Variants in COL4A6 observed in about 807,000 individuals in gnomAD.
COL4A6 encodes the protein collagen type IV alpha 6 chain.
COL4A6 carries 59 observed loss-of-function variants against 126.7 expected under a neutral mutation model. The observed-to-expected ratio is 0.47, with a 90% CI of 0.38 to 0.58. The LOEUF is 0.58. Ranked by LOEUF, COL4A6 falls within the 20% of genes least tolerant of loss-of-function variation. COL4A6 has a pLI of 0.00. For synonymous variants in COL4A6, 547 were observed against 496.6 expected, an observed-to-expected ratio of 1.10 and a Z score of -1.35; for missense variants, 1,285 against 1,337.3, an observed-to-expected ratio of 0.96 and a Z score of 0.61.
At chrX:108,283,596 G>T (rs1164600804) in intron 3 of COL4A6, among the ~76,000 whole-genome samples, 1 of 108,785 alleles carries the variant, frequency 9.2e-6, no homozygotes, top group Non-Finnish European at 1.9e-5. Context: ...TTTGGGGGGG[G>T]GTTGGCGGCG....
chrX:108,341,287 C>A (rs2039558262), intron 2 of COL4A6, among the ~76,000 whole-genome samples: 1 of 111,331 alleles, frequency 9.0e-6, no homozygotes, highest in Non-Finnish European at 1.9e-5. Context: ...CTAATGTCAC[C>A]TCTTCTGGAA....
chrX:108,369,871 A>T (rs1339835409), intron 2 of COL4A6, among the ~76,000 whole-genome samples: 3 of 112,500 alleles, frequency 2.7e-5, no homozygotes, highest in African/African-American at 9.7e-5. Context: ...GCAACCACAG[A>T]TATTAGTTAA....
chrX:108,281,843 A>G (rs1359115128), intron 3 of COL4A6, among the ~76,000 whole-genome samples: 3 of 110,976 alleles, frequency 2.7e-5, no homozygotes, highest in Admixed American at 1.9e-4. Context: ...ATAACGCCGC[A>G]TGTCTACAAC....
chrX:108,401,279 C>G (rs780365684), intron 2 of COL4A6, among the ~76,000 whole-genome samples: 79 of 110,540 alleles, frequency 7.1e-4, no homozygotes, highest in Non-Finnish European at 1.2e-3. Context: ...AAGTATAAAG[C>G]CTCAGCTATA....
intron 2 of COL4A6, among the ~76,000 whole-genome samples, chrX:108,332,024 A>G (rs182425212): frequency 1.8e-5 from 2 of 111,245 alleles, no homozygotes; most frequent in East Asian, 5.7e-4. Context: ...TTTTTGGAGT[A>G]TCCAATGTCT....
intron 5 of COL4A6, among the ~76,000 whole-genome samples, chrX:108,215,519 C>T (rs1199642375): frequency 9.0e-6 from 1 of 111,553 alleles, no homozygotes; most frequent in Non-Finnish European, 1.9e-5. Context: ...GATCTATGTC[C>T]TAGGAGCCTG....
intron 2 of COL4A6, among the ~76,000 whole-genome samples, chrX:108,343,159 ATATATAGTGTGTGTGTGTGT>A (rs1164099408): frequency 4.4e-5 from 3 of 68,938 alleles, no homozygotes; most frequent in Admixed American, 4.0e-4. Context: ...ATATATATAT[ATATATAGTGTGTGTGTGTGT>A]GTGTGTGTGT....
At chrX:108,312,122 C>CT (rs1180332538) in intron 2 of COL4A6, among the ~76,000 whole-genome samples, 1 of 112,159 alleles carries the variant, frequency 8.9e-6, no homozygotes, top group Non-Finnish European at 1.9e-5. Context: ...TACCATCCAA[C>CT]TTTTTTGTTT....
intron 2 of COL4A6, among the ~76,000 whole-genome samples, chrX:108,341,178 T>A (rs887146908): frequency 9.0e-6 from 1 of 111,487 alleles, no homozygotes; most frequent in Non-Finnish European, 1.9e-5. Flanking sequence ...CAACAATGCC[T>A]TACAAGTACA....
intron 3 of COL4A6, among the ~76,000 whole-genome samples, chrX:108,291,991 T>C (rs2038173438): frequency 8.9e-6 from 1 of 112,065 alleles, no homozygotes; most frequent in Non-Finnish European, 1.9e-5. Flanking sequence ...AATCACTGTA[T>C]AGAATATATC....
In COL4A6 at chrX:108,397,123, T is replaced by C. The variant is rs187593123; in HGVS notation, c.63+40819A>G. On this transcript the variant is annotated intron_variant, in intron 2 of 44. Transcript: ENST00000334504. ...CTTCAACCAAGAAGATTTTCTCTCC[T>C]TCACTAAGCCAGGCCCTAAGTATTC... 6.1e-3 allele frequency among the ~76,000 whole-genome samples: 678 copies of C among 111,831 alleles called. 2 individuals are homozygous for C. Among genetic ancestry groups the C allele is most frequent in the East Asian group, 0.035 (125 of 3,540 alleles).
At position 108,204,412 on chromosome X, in the gene COL4A6, C is replaced by T; in HGVS notation, c.688G>A (p.Gly230Arg). ...LGFQGEKGVK[G>R]DVGLPGPAGP... is the part of the protein sequence containing the mutation. ...GCTGGGCCAGGGAGGCCAACATCCC[C>T]CTGTAAGATCAAATGGAACATTAAG... Residue 230 changes from glycine to arginine, a missense_variant and splice_region_variant, in exon 12 of 45, where the codon GGG (glycine) becomes AGG (arginine). Physicochemically the swap from Gly to Arg is moderately radical, Grantham distance 125. Transcript: ENST00000334504. 8.3e-7 allele frequency: 1 copy of T among 1,197,744 alleles called. No individual in the cohort carries two copies. The highest frequency in any genetic ancestry group is 1.1e-6 in the Non-Finnish European group (1 of 885,294).
intron 3 of COL4A6, among the ~76,000 whole-genome samples, chrX:108,285,904 T>C: frequency 9.0e-6 from 1 of 111,709 alleles, no homozygotes; most frequent in Non-Finnish European, 1.9e-5. Context: ...GGTGGTCCCA[T>C]AGAAAAGGGT....
At chrX:108,343,165 A>ATAGTGT (rs1377817612) in intron 2 of COL4A6, among the ~76,000 whole-genome samples, 61 of 31,376 alleles carry the variant, frequency 1.9e-3, no homozygotes, top group African/African-American at 5.3e-3. Flanking sequence ...ATATATATAT[A>ATAGTGT]GTGTGTGTGT....
At chrX:108,285,106 G>T (rs1266785) in intron 3 of COL4A6, among the ~76,000 whole-genome samples, 1 of 110,577 alleles carries the variant, frequency 9.0e-6, no homozygotes. Context: ...GTATACTCTG[G>T]GTCTACTGGG....
At chrX:108,244,247 G>A (rs2036656295) in intron 3 of COL4A6, among the ~76,000 whole-genome samples, 1 of 110,822 alleles carries the variant, frequency 9.0e-6, no homozygotes, top group Admixed American at 9.6e-5. Context: ...CTCAGAGCTG[G>A]AGTTCTTGAA....
rs773162855 is a variant in COL4A6, at chrX:108,306,876, T to A, written c.144+3872A>T. ...TTAGATGGCATGGATAATTAGGGGGTCACCATGTTTTAGATAAACACCAGA... is the reference window on the plus strand; with the variant it reads ...TTAGATGGCATGGATAATTAGGGGGACACCATGTTTTAGATAAACACCAGA... On this transcript the variant is annotated intron_variant, in intron 3 of 44. Coordinates refer to ENST00000334504, the MANE Select transcript of COL4A6 (RefSeq NM_033641.4). Among the ~76,000 whole-genome samples the A allele has an allele frequency of 4.5e-5, 5 of 110,782 alleles. No homozygotes were observed. In the East Asian group the frequency reaches 1.1e-3, roughly 25 times the overall value.
intron 3 of COL4A6, among the ~76,000 whole-genome samples, chrX:108,290,062 A>G (rs1216657877): frequency 8.9e-6 from 1 of 112,298 alleles, no homozygotes; most frequent in Non-Finnish European, 1.9e-5. Flanking sequence ...TGTAAGCGAT[A>G]TTCTGCAGAC....
intron 3 of COL4A6, among the ~76,000 whole-genome samples, chrX:108,269,643 A>G (rs948663355): frequency 8.9e-6 from 1 of 112,144 alleles, no homozygotes; most frequent in African/African-American, 3.2e-5. Context: ...GCTCAGTGTC[A>G]GTAATAAGCA....
Sources: gnomAD v4.1 joint callset for allele counts (sites outside exome capture counted in the v4.1 genomes callset) on GRCh38, gnomAD v4.1.1 for gene constraint, MANE v1.5 for transcripts, NCBI Gene and HGNC (gene_info 2026-07-23, HGNC 2026-07-21) for gene names.